FOCAD: variants seen among roughly 807,000 people sequenced by gnomAD.
FOCAD encodes KIAA1797.
A neutral mutation model predicts 225.6 loss-of-function variants in FOCAD; 198 were observed. The observed-to-expected ratio is 0.88, with a 90% CI of 0.78 to 0.99. The LOEUF is 0.99. Ranked by LOEUF, FOCAD falls within the 50% of genes least tolerant of loss-of-function variation. FOCAD has a pLI of 0.00. For synonymous variants in FOCAD, 897 were observed against 755.0 expected, an observed-to-expected ratio of 1.19 and a Z score of -3.08; for missense variants, 2,713 against 2,123.6, an observed-to-expected ratio of 1.28 and a Z score of -5.46.
chr9:20,955,050 A>C (rs1838012139), intron 35 of FOCAD, among the ~76,000 whole-genome samples: 1 of 152,202 alleles, frequency 6.6e-6, no homozygotes, highest in Admixed American at 6.5e-5. Context: ...AAATGTCTGG[A>C]TGTCACTCAT....
chr9:20,931,240 A>T (rs1032541899), intron 27 of FOCAD, among the ~76,000 whole-genome samples: 1 of 152,132 alleles, frequency 6.6e-6, no homozygotes, highest in Admixed American at 6.5e-5. Context: ...TTCACACCTG[A>T]AGGAAACCCT....
chr9:20,727,078 ACAGAGTTGCTAGTC>A (rs1826257062), intron 4 of FOCAD, among the ~76,000 whole-genome samples: 1 of 152,178 alleles, frequency 6.6e-6, no homozygotes, highest in South Asian at 2.1e-4. Flanking sequence ...GTAGAGAGTG[ACAGAGTTGCTAGTC>A]CATGTCTGTT....
intron 15 of FOCAD, among the ~76,000 whole-genome samples, chr9:20,826,753 G>C (rs1031388371): frequency 1.3e-5 from 2 of 152,074 alleles, no homozygotes; most frequent in Non-Finnish European, 2.9e-5. Context: ...GTAGTCTCAA[G>C]ACTCTTCCCA....
At chr9:20,933,435 A>G (rs1835673092) in intron 28 of FOCAD, among the ~76,000 whole-genome samples, 1 of 152,166 alleles carries the variant, frequency 6.6e-6, no homozygotes, top group South Asian at 2.1e-4. Flanking sequence ...CTTATGAGTG[A>G]GAATATATGA....
intron 2 of FOCAD, among the ~76,000 whole-genome samples, chr9:20,675,388 A>G (rs995467768): frequency 2.0e-5 from 3 of 152,236 alleles, no homozygotes; most frequent in Admixed American, 6.5e-5. Flanking sequence ...CTTTTAAGGC[A>G]CAGTGGATTG....
chr9:20,780,308 A>C (rs934396538), intron 9 of FOCAD, among the ~76,000 whole-genome samples: 3 of 152,200 alleles, frequency 2.0e-5, no homozygotes, highest in Non-Finnish European at 4.4e-5. Context: ...GTTTTCTGAC[A>C]AAAAAATTCT....
At chr9:20,887,824 A>G (rs1171797837) in intron 21 of FOCAD, among the ~76,000 whole-genome samples, 2 of 152,218 alleles carry the variant, frequency 1.3e-5, no homozygotes, top group Non-Finnish European at 2.9e-5. Flanking sequence ...TGAGAGTTTC[A>G]GTTGCTCTGC....
chr9:20,910,369 G>C (rs530775129), intron 22 of FOCAD, among the ~76,000 whole-genome samples: 1 of 152,174 alleles, frequency 6.6e-6, no homozygotes, highest in Admixed American at 6.6e-5. Flanking sequence ...ATTGACTGTA[G>C]ACATTTTTCA....
intron 9 of FOCAD, among the ~76,000 whole-genome samples, chr9:20,781,137 G>T (rs1003448212): frequency 1.3e-5 from 2 of 152,156 alleles, no homozygotes; most frequent in Non-Finnish European, 1.5e-5. Context: ...GACTCTACAT[G>T]TAAATCAGTT....
intron 4 of FOCAD, among the ~76,000 whole-genome samples, chr9:20,722,981 T>C (rs937892268): frequency 1.3e-5 from 2 of 152,200 alleles, no homozygotes; most frequent in African/African-American, 4.8e-5. Flanking sequence ...CTTCTGTGTA[T>C]TTGAGGTGTA....
At chr9:20,928,344 T>C (rs774529336) in intron 26 of FOCAD, among the ~76,000 whole-genome samples, 4 of 152,212 alleles carry the variant, frequency 2.6e-5, no homozygotes, top group Non-Finnish European at 5.9e-5. Flanking sequence ...AAAACAGTGC[T>C]ATATTAATTT....
At chr9:20,682,768 A>G (rs571743759), upstream of FOCAD, among the ~76,000 whole-genome samples, 6 of 152,270 alleles carry the variant, frequency 3.9e-5, no homozygotes, top group Admixed American at 2.6e-4. Flanking sequence ...AGTAGGTTCA[A>G]TATTGATTGA....
intron 4 of FOCAD, among the ~76,000 whole-genome samples, chr9:20,734,464 A>C (rs143763801): frequency 6.6e-6 from 1 of 152,098 alleles, no homozygotes; most frequent in African/African-American, 2.4e-5. Flanking sequence ...TTAAACTTGC[A>C]TTTTTCCACA....
At chr9:20,811,569 C>G (rs1017499558) in intron 11 of FOCAD, among the ~76,000 whole-genome samples, 8 of 151,928 alleles carry the variant, frequency 5.3e-5, no homozygotes, top group Non-Finnish European at 1.0e-4. Context: ...TAGAATACTT[C>G]TTTAATTATA....
chr9:20,661,266 G>T (rs1160153503), intron 2 of FOCAD, among the ~76,000 whole-genome samples: 1 of 152,166 alleles, frequency 6.6e-6, no homozygotes, highest in Non-Finnish European at 1.5e-5. Flanking sequence ...TAGCATGAAG[G>T]GCTCAATAGA....
intron 39 of FOCAD, among the ~76,000 whole-genome samples, chr9:20,984,259 C>T (rs1249865197): frequency 1.3e-5 from 2 of 152,102 alleles, no homozygotes; most frequent in Admixed American, 6.5e-5. Context: ...CTTCAGTTTC[C>T]CCATCTGTAA....
chr9:20,866,473 G>A (rs1829261938), intron 17 of FOCAD, among the ~76,000 whole-genome samples: 1 of 151,996 alleles, frequency 6.6e-6, no homozygotes, highest in Non-Finnish European at 1.5e-5. Flanking sequence ...CTATCAGACA[G>A]TAACTCCTTG....
At position 20,933,079 on chromosome 9, in the gene FOCAD, G is replaced by T; in HGVS notation, c.3383G>T (p.Cys1128Phe). 1 of 1,613,810 alleles carries T rather than the reference G, an allele frequency of 6.2e-7. No individual in the cohort carries two copies. Among genetic ancestry groups the T allele is most frequent in the South Asian group, 1.1e-5 (1 of 91,070 alleles). Residue 1128 changes from cysteine (C) to phenylalanine (F), a missense_variant, in exon 28 of 44, where the codon TGC becomes TTC. Transcript: ENST00000338382. ...MKSLDALENC[C>F]FDTSLEYNTG... ...TCGTTGGATGCCCTGGAAAATTGCTGCTTTGACACTAGTCTTGAATACAAG... is the reference window on the plus strand; with the variant it reads ...TCGTTGGATGCCCTGGAAAATTGCTTCTTTGACACTAGTCTTGAATACAAG...
At chr9:20,940,924 A>AT (rs113345744) in intron 28 of FOCAD, among the ~76,000 whole-genome samples, 37 of 151,062 alleles carry the variant, frequency 2.4e-4, no homozygotes, top group East Asian at 7.8e-4. Flanking sequence ...CTGTGTATTT[A>AT]TTTTTTTTCT....
Sources: allele counts gnomAD v4.1 joint callset (sites outside exome capture counted in the v4.1 genomes callset), GRCh38; gene constraint gnomAD v4.1.1; transcripts MANE v1.5; gene names NCBI Gene and HGNC (gene_info 2026-07-23, HGNC 2026-07-21).